The following ADARB1 variants were observed in gnomAD, a reference collection of about 807,000 sequenced individuals.
ADARB1 encodes adenosine deaminase RNA specific B1, also known as double-stranded RNA-specific editase 1.
A neutral mutation model predicts 52.4 loss-of-function variants in ADARB1; 10 were observed. The ratio of observed to expected loss-of-function variants is 0.19; its 90% confidence interval spans 0.12 to 0.32. ADARB1 has a LOEUF of 0.32. ADARB1 is among the 10% of genes least tolerant of loss of function. The probability of loss-of-function intolerance (pLI) is 1.00; values close to 1 mark genes in which losing one functional copy is unlikely to be tolerated. For missense variants in ADARB1, 643 were observed against 922.3 expected (o/e 0.70, Z 3.92); for synonymous variants, 349 against 371.1 (o/e 0.94, Z 0.68).
chr21:45,098,935 T>C (rs1476909220), intron 1 of ADARB1, among the ~76,000 whole-genome samples: 1 of 152,180 alleles, frequency 6.6e-6, no homozygotes, highest in African/African-American at 2.4e-5. Context: ...AGGTTATTCT[T>C]AGTATTCTAG....
At chr21:45,206,868 C>T (rs2092678014) in intron 9 of ADARB1, among the ~76,000 whole-genome samples, 1 of 152,204 alleles carries the variant, frequency 6.6e-6, no homozygotes, top group African/African-American at 2.4e-5. Context: ...GCCACCGTGC[C>T]TGGCCTCCGT....
chr21:45,215,463 T>C (rs957853682), intron 9 of ADARB1, among the ~76,000 whole-genome samples: 8 of 152,206 alleles, frequency 5.3e-5, no homozygotes, highest in East Asian at 3.8e-4. Flanking sequence ...ATGCTTTTTT[T>C]CTGCTCTTAG....
At chr21:45,167,553 C>G (rs2091301919) in intron 2 of ADARB1, among the ~76,000 whole-genome samples, 1 of 152,066 alleles carries the variant, frequency 6.6e-6, no homozygotes, top group Non-Finnish European at 1.5e-5. Context: ...GAGTTCAAGA[C>G]CAGCCTGGCC....
At position 45,203,557 on chromosome 21, in the gene ADARB1, T is replaced by A. The variant is rs776934362; in HGVS notation, c.1566-998T>A. Among the ~76,000 whole-genome samples, 110 of 152,294 alleles carry A rather than the reference T, an allele frequency of 7.2e-4. No homozygotes were observed. In the Middle Eastern group the frequency reaches 0.014, roughly 19 times the overall value. ...CTGAGCAGAGCATCTCTGCTCTTTG[T>A]GGGGCTCAGAAAGAGAGAACAGGCA... On this transcript the variant is annotated intron_variant, in intron 8 of 10. Coordinates refer to ENST00000348831, the MANE Select transcript of ADARB1 (RefSeq NM_001112.4).
chr21:45,148,650 G>T (rs1337322891), intron 2 of ADARB1, among the ~76,000 whole-genome samples: 1 of 152,162 alleles, frequency 6.6e-6, no homozygotes, highest in South Asian at 2.1e-4. Flanking sequence ...GCTGAGTTCT[G>T]CAGCAGTCAA....
At chr21:45,151,553 G>A (rs891223744) in intron 2 of ADARB1, among the ~76,000 whole-genome samples, 1 of 151,710 alleles carries the variant, frequency 6.6e-6, no homozygotes, top group African/African-American at 2.4e-5. Context: ...CCCCATAATC[G>A]GACTCCTTCC....
At chr21:45,143,313 C>T (rs1027911004) in intron 2 of ADARB1, among the ~76,000 whole-genome samples, 1 of 152,218 alleles carries the variant, frequency 6.6e-6, no homozygotes, top group East Asian at 1.9e-4. Context: ...TATAGACCTC[C>T]ACAACTTAAG....
chr21:45,126,599 C>T (rs1312212863), intron 1 of ADARB1, among the ~76,000 whole-genome samples: 1 of 152,186 alleles, frequency 6.6e-6, no homozygotes, highest in Non-Finnish European at 1.5e-5. Flanking sequence ...CTGGAAGGGG[C>T]TGAGTCACTG....
In ADARB1 at chr21:45,176,467, G is replaced by A. The variant is rs753903571; in HGVS notation, c.766G>A (p.Gly256Arg). 1.4e-5 allele frequency: 22 copies of A among 1,614,054 alleles called. No homozygotes were observed. Among genetic ancestry groups the A allele is most frequent in the Admixed American group, 1.7e-5 (1 of 60,002 alleles). Reference protein sequence around the residue: ...GLKYDFLSESGESHAKSFVMS... With the variant: ...GLKYDFLSESRESHAKSFVMS... The stretch of plus-strand genomic sequence containing the variant: ...CAAGTATGACTTCCTCTCCGAGAGC[G>A]GGGAGAGCCATGCCAAGAGCTTCGT... Residue 256 changes from glycine to arginine, a missense_variant, in exon 4 of 11, where the codon GGG becomes AGG. Around this residue, in one of 2 missense-constraint regions of ADARB1, gnomAD observed 380 missense variants for 446.5 expected, o/e 0.85. Transcript: ENST00000348831. This position sits in a 1 kb window ranked among gnomAD's most constrained non-coding sequence, Gnocchi z 5.8.
chr21:45,135,480 C>T (rs1051630961), intron 2 of ADARB1, among the ~76,000 whole-genome samples: 1 of 152,220 alleles, frequency 6.6e-6, no homozygotes, highest in Non-Finnish European at 1.5e-5. Context: ...GAGGAAAAGA[C>T]CAAACTGCTG....
intron 2 of ADARB1, chr21:45,134,928 C>T: frequency 2.2e-6 from 1 of 451,388 alleles, no homozygotes; most frequent in South Asian, 1.6e-5. Context: ...CTGGGCAGAG[C>T]CACCTCTGCA....
intron 9 of ADARB1, among the ~76,000 whole-genome samples, chr21:45,218,355 A>G (rs1215580259): frequency 6.6e-6 from 1 of 152,028 alleles, no homozygotes; most frequent in African/African-American, 2.4e-5. Flanking sequence ...TTTTTATCTA[A>G]TACATTGTAG....
intron 1 of ADARB1, among the ~76,000 whole-genome samples, chr21:45,090,518 C>G (rs1432310462): frequency 6.6e-6 from 1 of 152,146 alleles, no homozygotes; most frequent in Non-Finnish European, 1.5e-5. Context: ...TGCCCTATTT[C>G]AAGCTACCGA....
At chr21:45,077,931 G>A (rs1262385051) in intron 1 of ADARB1, among the ~76,000 whole-genome samples, 2 of 152,192 alleles carry the variant, frequency 1.3e-5, no homozygotes, top group African/African-American at 4.8e-5. Flanking sequence ...TGTGGACAGG[G>A]ACAGCGCAGT....
At position 45,209,434 on chromosome 21, in the gene ADARB1, G is replaced by T. The variant is rs2092726156; in HGVS notation, c.1747+4698G>T. Among the ~76,000 whole-genome samples the T allele has an allele frequency of 2.6e-5, 4 of 152,292 alleles. No individual in the cohort carries two copies. The South Asian group carries it at 8.3e-4, about 32-fold the overall frequency. ...ATTGGGGTGACAGGGTGATTTCTTG[G>T]TTGGTTGTTTTTGTTTGGTTTTTGG... On this transcript the variant is annotated intron_variant, in intron 9 of 10. Transcript: ENST00000348831.
At position 45,224,599 on chromosome 21, in the gene ADARB1, G is replaced by A. The variant is rs143314847; in HGVS notation, c.*2402G>A. 2.9e-3 allele frequency: 1,804 copies of A among 625,872 alleles called. 70 individuals carry two copies. In the African/African-American group the frequency reaches 0.071, roughly 25 times the overall value. The allele number at this position is 625,872 out of a possible 1,614,324, so 38.8% of individuals were successfully genotyped here. On this transcript the variant is annotated 3_prime_UTR_variant, in exon 11 of 11. Transcript: ENST00000348831. ...CCTGGGCAGGGGGCTACTGGGGGGCGGCTGTGAGGAGGAGTTGGGTTCAGG... is the reference window on the plus strand; with the variant it reads ...CCTGGGCAGGGGGCTACTGGGGGGCAGCTGTGAGGAGGAGTTGGGTTCAGG...
chr21:45,109,595 T>G (rs2087443225), intron 1 of ADARB1, among the ~76,000 whole-genome samples: 1 of 152,244 alleles, frequency 6.6e-6, no homozygotes, highest in South Asian at 2.1e-4. Flanking sequence ...GGAGGCTCCG[T>G]GTAGATGGAG....
At chr21:45,165,901 T>G (rs1764592234) in intron 2 of ADARB1, among the ~76,000 whole-genome samples, 1 of 152,042 alleles carries the variant, frequency 6.6e-6, no homozygotes, top group African/African-American at 2.4e-5. Context: ...TATGTAAAAG[T>G]TTTCTCAAAG....
intron 3 of ADARB1, among the ~76,000 whole-genome samples, chr21:45,174,173 G>A (rs2091595987): frequency 6.6e-6 from 1 of 152,002 alleles, no homozygotes; most frequent in African/African-American, 2.4e-5. Context: ...CCACCATATG[G>A]GGCACTCGTA....
Sources: gnomAD v4.1 joint callset for allele counts (sites outside exome capture counted in the v4.1 genomes callset) on GRCh38, gnomAD v4.1.1 for gene constraint, gnomAD v4.1.1 regional missense constraint, Gnocchi (gnomAD v3.1) non-coding constraint, MANE v1.5 for transcripts, NCBI Gene and HGNC (gene_info 2026-07-23, HGNC 2026-07-21) for gene names.